The following PARD3B variants were observed in gnomAD, a reference collection of about 807,000 sequenced individuals.
PARD3B encodes partitioning defective 3 homolog B.
A neutral mutation model predicts 130.2 loss-of-function variants in PARD3B; 103 were observed. The ratio of observed to expected loss-of-function variants is 0.79; its 90% CI spans 0.67 to 0.93. The LOEUF (loss-of-function observed/expected upper bound fraction) is 0.93, where lower values mean the gene tolerates loss of function less well. Ranked by LOEUF, PARD3B falls within the 40% of genes least tolerant of loss-of-function variation. The pLI is 0.00. For missense variants in PARD3B, 1,609 were observed against 1,499.2 expected (o/e 1.07, Z -1.21); for synonymous variants, 583 against 553.2 (o/e 1.05, Z -0.76).
intron 2 of PARD3B, among the ~76,000 whole-genome samples, chr2:204,834,632 G>A (rs1442882890): frequency 6.6e-6 from 1 of 152,158 alleles, no homozygotes; most frequent in Non-Finnish European, 1.5e-5. Flanking sequence ...CAAAACAGTT[G>A]ATTAAGAGGA....
intron 15 of PARD3B, among the ~76,000 whole-genome samples, chr2:205,210,649 A>G (rs890218696): frequency 6.6e-6 from 1 of 152,148 alleles, no homozygotes; most frequent in African/African-American, 2.4e-5. Context: ...TTTGATTCAT[A>G]TGACCAGTTG....
intron 2 of PARD3B, among the ~76,000 whole-genome samples, chr2:204,843,698 C>T (rs1346535907): frequency 6.6e-6 from 1 of 152,146 alleles, no homozygotes; most frequent in African/African-American, 2.4e-5. Context: ...CCATAATCAA[C>T]CTGCCCAGAG....
At chr2:205,099,168 A>G (rs375219350) in intron 4 of PARD3B, among the ~76,000 whole-genome samples, 10 of 152,294 alleles carry the variant, frequency 6.6e-5, no homozygotes, top group Non-Finnish European at 1.0e-4. Context: ...TATACCTTGT[A>G]TTTCATACAG....
rs866126032 is a variant in PARD3B at position 204,757,690 on chromosome 2, G to T, written c.222+71408G>T. Among the ~76,000 whole-genome samples, 7 of 152,152 alleles carry T rather than the reference G, an allele frequency of 4.6e-5. No homozygotes were observed. The South Asian group carries it at 6.2e-4, about 14-fold the overall frequency. ...AATCTCTTGCTGATATGAAACTAGC[G>T]ATTTTAAAACTTTTAATTTTTATTT... On this transcript the variant is annotated intron_variant, in intron 2 of 22. Transcript: ENST00000406610.
intron 1 of PARD3B, among the ~76,000 whole-genome samples, chr2:204,626,653 T>C (rs929566981): frequency 3.3e-5 from 5 of 152,146 alleles, no homozygotes; most frequent in Non-Finnish European, 7.4e-5. Flanking sequence ...ATTTTTTCCC[T>C]CTGTATTTTT....
At chr2:205,143,264 T>A (rs1157656185) in intron 10 of PARD3B, among the ~76,000 whole-genome samples, 1 of 152,294 alleles carries the variant, frequency 6.6e-6, no homozygotes, top group South Asian at 2.1e-4. Flanking sequence ...ACTAAAAAGA[T>A]TCATCCACTT....
intron 15 of PARD3B, among the ~76,000 whole-genome samples, chr2:205,226,394 C>T (rs188528217): frequency 6.6e-6 from 1 of 152,184 alleles, no homozygotes; most frequent in Non-Finnish European, 1.5e-5. Flanking sequence ...CAGTTGGTTG[C>T]TTGTACTTGT....
intron 5 of PARD3B, among the ~76,000 whole-genome samples, chr2:205,106,829 C>G (rs1157143573): frequency 6.6e-6 from 1 of 151,978 alleles, no homozygotes; most frequent in Non-Finnish European, 1.5e-5. Flanking sequence ...ACTTTAAGAC[C>G]CTGGAGTGGG....
intron 2 of PARD3B, among the ~76,000 whole-genome samples, chr2:204,693,826 A>T (rs2037464318): frequency 6.6e-6 from 1 of 151,838 alleles, no homozygotes; most frequent in Non-Finnish European, 1.5e-5. Context: ...CCTTGTCCCT[A>T]TTTCCTGCCC....
At chr2:205,135,199 A>G (rs2032375374) in intron 10 of PARD3B, among the ~76,000 whole-genome samples, 1 of 152,230 alleles carries the variant, frequency 6.6e-6, no homozygotes, top group Admixed American at 6.5e-5. Flanking sequence ...AAATGTTACC[A>G]GTAATTTAGG....
At chr2:204,598,842 A>C (rs1027831716) in intron 1 of PARD3B, among the ~76,000 whole-genome samples, 4 of 151,990 alleles carry the variant, frequency 2.6e-5, no homozygotes, top group Non-Finnish European at 5.9e-5. Context: ...ACATGTTTTT[A>C]GAACTTTGAT....
chr2:205,214,844 A>T (rs949823339), intron 15 of PARD3B, among the ~76,000 whole-genome samples: 2 of 152,094 alleles, frequency 1.3e-5, no homozygotes, highest in Non-Finnish European at 2.9e-5. Flanking sequence ...CTAAATGTGT[A>T]TCCCTTTAAA....
intron 3 of PARD3B, among the ~76,000 whole-genome samples, chr2:205,025,055 G>A (rs753207701): frequency 3.9e-5 from 6 of 151,920 alleles, no homozygotes; most frequent in Non-Finnish European, 5.9e-5. Context: ...TTTAACTAGC[G>A]GCACTAAAAA....
At position 205,110,160 on chromosome 2, in the gene PARD3B, A is replaced by G. The variant is rs188455741; in HGVS notation, c.594-3331A>G. Among the ~76,000 whole-genome samples, 30 of 152,290 alleles carry G rather than the reference A, an allele frequency of 2.0e-4. No homozygotes were observed. The East Asian group carries it at 4.2e-3, about 22-fold the overall frequency. On this transcript the variant is annotated intron_variant, in intron 5 of 22. Transcript: ENST00000406610. ...TCAATTTCATCTCTTCCATACCTCA[A>G]CAAGTGACCTGCCACTGAGTTCAGT... is the stretch of plus-strand genomic sequence containing the variant.
At chr2:204,691,461 G>T (rs189430747) in intron 2 of PARD3B, among the ~76,000 whole-genome samples, 9 of 152,170 alleles carry the variant, frequency 5.9e-5, no homozygotes, top group Admixed American at 1.3e-4. Context: ...TGGATCACAT[G>T]TGATATCTGG....
At chr2:205,414,381 A>G (rs1559071040) in intron 19 of PARD3B, among the ~76,000 whole-genome samples, 1 of 152,286 alleles carries the variant, frequency 6.6e-6, no homozygotes, top group Non-Finnish European at 1.5e-5. Context: ...GTCCTGGTTG[A>G]CTTAAAAGTA....
chr2:204,841,075 A>G (rs1374135981), intron 2 of PARD3B, among the ~76,000 whole-genome samples: 1 of 152,162 alleles, frequency 6.6e-6, no homozygotes, highest in Non-Finnish European at 1.5e-5. Flanking sequence ...TTTGCTCATG[A>G]AGAGCACATT....
chr2:205,342,507 T>C (rs2043581645), intron 18 of PARD3B, among the ~76,000 whole-genome samples: 1 of 152,172 alleles, frequency 6.6e-6, no homozygotes, highest in South Asian at 2.1e-4. Context: ...TCTTCATGTG[T>C]TATAGGCTGA....
At chr2:204,548,051 A>G (rs946831511) in intron 1 of PARD3B, among the ~76,000 whole-genome samples, 15 of 152,146 alleles carry the variant, frequency 9.9e-5, no homozygotes, top group African/African-American at 3.1e-4. Flanking sequence ...TCATTTTAAG[A>G]AGTAGTAGGT....
Sources: allele counts gnomAD v4.1 joint callset (sites outside exome capture counted in the v4.1 genomes callset), GRCh38; gene constraint gnomAD v4.1.1; transcripts MANE v1.5; gene names NCBI Gene and HGNC (gene_info 2026-07-23, HGNC 2026-07-21).